The following CD84 variants were observed in gnomAD, a reference collection of about 807,000 sequenced individuals.
CD84 encodes the protein SLAM family member 5.
CD84 carries 22 observed loss-of-function variants against 33.8 expected under a neutral mutation model. That is an observed-to-expected ratio of 0.65 (90% confidence interval 0.46 to 0.93). The LOEUF (loss-of-function observed/expected upper bound fraction) is 0.93, where lower values mean the gene tolerates loss of function less well. CD84 is among the 40% of genes least tolerant of loss of function. CD84 has a pLI of 0.00. For synonymous variants in CD84, 154 were observed against 145.2 expected (o/e 1.06, Z -0.44); for missense variants, 400 against 397.6 (o/e 1.01, Z -0.05).
intron 1 of CD84, among the ~76,000 whole-genome samples, chr1:160,578,694 A>G (rs1328570408): frequency 6.6e-6 from 1 of 152,166 alleles, no homozygotes; most frequent in Non-Finnish European, 1.5e-5. Context: ...TAATGTTACA[A>G]TTTTCTTTGT....
In CD84 at chr1:160,545,563, G is replaced by C. The variant is rs1655782765; in HGVS notation, c.*2693C>G. On this transcript the variant is annotated 3_prime_UTR_variant, in exon 7 of 7. Coordinates refer to ENST00000368054, the MANE Select transcript of CD84 (RefSeq NM_003874.4). ...TTAGTTGGTCTGCCTAACTCTGAAAGTCTTCTCCCTCCAAAGTGCCTTTAC... is the reference window on the plus strand; with the variant it reads ...TTAGTTGGTCTGCCTAACTCTGAAACTCTTCTCCCTCCAAAGTGCCTTTAC... 6.6e-6 allele frequency: 1 copy of C among 152,142 alleles called. No individual in the cohort carries two copies. The highest frequency in any genetic ancestry group is 1.5e-5 in the Non-Finnish European group (1 of 68,042). The allele number at this position is 152,142 out of a possible 1,614,324, so 9.4% of individuals were successfully genotyped here.
At chr1:160,575,918 G>T (rs1286984339) in intron 1 of CD84, among the ~76,000 whole-genome samples, 1 of 152,140 alleles carries the variant, frequency 6.6e-6, no homozygotes, top group Non-Finnish European at 1.5e-5. Context: ...TCCACTGAAG[G>T]CCTGAGTTAT....
chr1:160,542,883 TG>T lies in CD84; in HGVS notation c.*5372del, dbSNP rs1470924852. 1 of 152,210 alleles carries T rather than the reference TG, an allele frequency of 6.6e-6. No homozygotes were observed. The highest frequency in any genetic ancestry group is 1.5e-5 in the Non-Finnish European group (1 of 68,044). The allele number at this position is 152,210 out of a possible 1,614,324, so 9.4% of individuals were successfully genotyped here. A position where few individuals can be genotyped will look rare whatever the true frequency, so the allele number is the denominator to read the frequency against. ...AATTACTGGACCCCTCACACTTGGA[TG>T]GGGGCTTATTTAAGTCTAAACATGC... On this transcript the variant is annotated 3_prime_UTR_variant, in exon 7 of 7. Coordinates refer to ENST00000368054, the MANE Select transcript of CD84 (RefSeq NM_003874.4).
chr1:160,574,680 A>G (rs1204111867), intron 1 of CD84, among the ~76,000 whole-genome samples: 1 of 152,168 alleles, frequency 6.6e-6, no homozygotes, highest in Non-Finnish European at 1.5e-5. Flanking sequence ...TGCCTGGGCT[A>G]GAATCCTGGC....
At chr1:160,553,538 T>G (rs186546878) in intron 3 of CD84, 41 bp from the exon 4 acceptor site, 24 of 1,612,654 alleles carry the variant, frequency 1.5e-5, no homozygotes, top group Non-Finnish European at 2.0e-5. Flanking sequence ...TCTCAGGAAA[T>G]AGGCCCAAGA....
intron 4 of CD84, chr1:160,551,278 C>T: frequency 2.2e-6 from 1 of 451,884 alleles, no homozygotes; most frequent in South Asian, 2.4e-5. Context: ...AAGACAATTT[C>T]CCCAACCCCT....
intron 2 of CD84, among the ~76,000 whole-genome samples, chr1:160,556,306 G>C (rs1471724519): frequency 6.6e-6 from 1 of 152,210 alleles, no homozygotes; most frequent in Non-Finnish European, 1.5e-5. Flanking sequence ...TCAGAATCCA[G>C]GCTCTACTGC....
chr1:160,546,903 A>C lies in CD84; in HGVS notation c.*1353T>G, dbSNP rs774291279. 2.1e-5 allele frequency: 8 copies of C among 383,526 alleles called. No individual in the cohort carries two copies. The highest frequency in any genetic ancestry group is 3.2e-5 in the Non-Finnish European group (7 of 217,026). The allele number at this position is 383,526 out of a possible 1,614,324, so 23.8% of individuals were successfully genotyped here. On this transcript the variant is annotated 3_prime_UTR_variant, in exon 7 of 7. Coordinates refer to ENST00000368054, the MANE Select transcript of CD84 (RefSeq NM_003874.4). ...TGCTAATGGTAGTTGGTGCTAGATG[A>C]GTCTATGGATTCATTTACTGGGACT... is the stretch of plus-strand genomic sequence containing the variant.
rs561868777 is a variant in CD84 at position 160,553,943 on chromosome 1, G to A, written c.592C>T (p.Pro198Ser). Reference protein sequence around the residue: ...ELTYTCTAQNPVSNNSDSISA... With the variant: ...ELTYTCTAQNSVSNNSDSISA... Reference sequence around the variant, plus strand: ...ATGGAGTCAGAATTGTTGCTGACAGGGTTCTGGGCTGTACACGTGTAAGTC... The same window carrying A: ...ATGGAGTCAGAATTGTTGCTGACAGAGTTCTGGGCTGTACACGTGTAAGTC... Residue 198 changes from proline (P) to serine (S), a missense_variant, in exon 3 of 7, where the codon CCT becomes TCT. Coordinates refer to ENST00000368054, the MANE Select transcript of CD84 (RefSeq NM_003874.4). 2 of 1,614,084 alleles carry A rather than the reference G, an allele frequency of 1.2e-6. No homozygotes were observed. The highest frequency in any genetic ancestry group is 3.3e-5 in the Admixed American group (2 of 60,006).
intron 1 of CD84, among the ~76,000 whole-genome samples, chr1:160,572,283 C>T (rs1275522909): frequency 2.0e-5 from 3 of 152,090 alleles, no homozygotes; most frequent in African/African-American, 7.2e-5. Flanking sequence ...GATAGTCATT[C>T]TTGGTGGCCT....
At position 160,579,475 on chromosome 1, in the gene CD84, A is replaced by G. The variant is rs1254207179; in HGVS notation, c.-38T>C. 1.9e-6 allele frequency: 3 copies of G among 1,612,046 alleles called. No individual in the cohort carries two copies. Among genetic ancestry groups the G allele is most frequent in the Non-Finnish European group, 2.5e-6 (3 of 1,178,856 alleles). On this transcript the variant is annotated 5_prime_UTR_variant, in exon 1 of 7. Coordinates refer to ENST00000368054, the MANE Select transcript of CD84 (RefSeq NM_003874.4). Reference sequence around the variant, plus strand: ...CTAACCTTCTGTGGAAAAGCACGGCACTGTTCTAGCAGAGTCAGTTTCACT... The same window carrying G: ...CTAACCTTCTGTGGAAAAGCACGGCGCTGTTCTAGCAGAGTCAGTTTCACT...
At chr1:160,552,352 C>T (rs6427530) in intron 4 of CD84, among the ~76,000 whole-genome samples, 138,154 of 152,170 alleles carry the variant, frequency 0.91, 62,897 homozygotes, top group Non-Finnish European at 0.94. Context: ...CAAATCCCCT[C>T]CCCCCTAGAA....
chr1:160,562,179 T>G (rs145912482), intron 2 of CD84, among the ~76,000 whole-genome samples: 1 of 152,194 alleles, frequency 6.6e-6, no homozygotes, highest in Non-Finnish European at 1.5e-5. Flanking sequence ...TTCTAAGCTA[T>G]TCACATTAGA....
chr1:160,559,462 G>T (rs1287506329), intron 2 of CD84, among the ~76,000 whole-genome samples: 1 of 152,254 alleles, frequency 6.6e-6, no homozygotes, highest in South Asian at 2.1e-4. Flanking sequence ...GGCCTGCCTT[G>T]CAAGAGCTCC....
chr1:160,568,400 G>A (rs1338480315), intron 1 of CD84, among the ~76,000 whole-genome samples: 2 of 152,110 alleles, frequency 1.3e-5, no homozygotes, highest in Non-Finnish European at 2.9e-5. Flanking sequence ...TGCTGCTGGT[G>A]TTGTTGGCAA....
rs1655652370 is a variant in CD84, at chr1:160,543,527, T to G, written c.*4729A>C. The stretch of plus-strand genomic sequence containing the variant: ...GACAACAATGTATGAAGCATCTAGT[T>G]TAGCAGTTGGTATACAAAATAAGCC... On this transcript the variant is annotated 3_prime_UTR_variant, in exon 7 of 7. Coordinates refer to ENST00000368054, the MANE Select transcript of CD84 (RefSeq NM_003874.4). The G allele has an allele frequency of 6.6e-6, 1 of 151,826 alleles. No individual in the cohort carries two copies. The highest frequency in any genetic ancestry group is 2.1e-4 in the South Asian group (1 of 4,818). 9.4% of individuals were successfully genotyped at this position (151,826 alleles called of 1,614,324 possible). A position where few individuals can be genotyped will look rare whatever the true frequency, so the allele number is the denominator to read the frequency against.
rs71796944 is a variant in CD84, at chr1:160,543,624, T to TTAC, written c.*4631_*4632insGTA. ...TTATTTATTATTATTATTATTATTA[T>TTAC]TATTATTTAGGTATATCCCCTGTTC... On this transcript the variant is annotated 3_prime_UTR_variant, in exon 7 of 7. Coordinates refer to ENST00000368054, the MANE Select transcript of CD84 (RefSeq NM_003874.4). 5 of 148,346 alleles carry TTAC rather than the reference T, an allele frequency of 3.4e-5. No homozygotes were observed. Among genetic ancestry groups the TTAC allele is most frequent in the Admixed American group, 2.0e-4 (3 of 14,846 alleles). The allele number at this position is 148,346 out of a possible 1,614,324, so 9.2% of individuals were successfully genotyped here.
At position 160,542,725 on chromosome 1, in the gene CD84, C is replaced by T. The variant is rs1655605172; in HGVS notation, c.*5531G>A. On this transcript the variant is annotated 3_prime_UTR_variant, in exon 7 of 7. Transcript: ENST00000368054. ...CAACAGTTAATAATTATCATCCATT[C>T]CTTTATGAATTCCCAAAGTCTGCAA... 6.6e-6 allele frequency: 1 copy of T among 152,188 alleles called. No homozygotes were observed. Among genetic ancestry groups the T allele is most frequent in the South Asian group, 2.1e-4 (1 of 4,822 alleles). The allele number at this position is 152,188 out of a possible 1,614,324, so 9.4% of individuals were successfully genotyped here.
At chr1:160,550,068 C>T in intron 5 of CD84, 89 bp from the exon 6 acceptor site, 1 of 909,308 alleles carries the variant, frequency 1.1e-6, no homozygotes, top group African/African-American at 1.6e-5. Flanking sequence ...CACCATCCTT[C>T]CCTGGTCCCA....
Sources: gnomAD v4.1 joint callset for allele counts (sites outside exome capture counted in the v4.1 genomes callset) on GRCh38, gnomAD v4.1.1 for gene constraint, MANE v1.5 for transcripts, NCBI Gene and HGNC (gene_info 2026-07-23, HGNC 2026-07-21) for gene names.